Variants in BOC observed in about 807,000 individuals in gnomAD.
BOC encodes brother of CDO.
In BOC, 76 loss-of-function variants were observed where a neutral mutation model predicts 112.0. The ratio of observed to expected loss-of-function variants is 0.68; its 90% CI spans 0.56 to 0.82. The LOEUF (loss-of-function observed/expected upper bound fraction) is 0.82. BOC is among the 40% of genes least tolerant of loss of function. The pLI, the probability that BOC is intolerant of heterozygous loss-of-function variation, is 0.00. For missense variants in BOC, 1,309 were observed against 1,511.7 expected (o/e 0.87, Z 2.22); for synonymous variants, 580 against 599.8 (o/e 0.97, Z 0.48).
intron 2 of BOC, among the ~76,000 whole-genome samples, chr3:113,219,848 T>C (rs1940243378): frequency 6.6e-6 from 1 of 152,182 alleles, no homozygotes; most frequent in Admixed American, 6.5e-5. Flanking sequence ...CAGCTAGTGG[T>C]GAAAGCGACC....
intron 3 of BOC, 73 bp from the exon 4 acceptor site, chr3:113,250,482 C>T: frequency 6.6e-7 from 1 of 1,517,516 alleles, no homozygotes; most frequent in Non-Finnish European, 8.9e-7. Flanking sequence ...TTCCTGGGTG[C>T]AGTGCTTCTA....
rs768341516 is a variant in BOC, at chr3:113,286,830, G to A, written c.3316G>A (p.Val1106Met). ...MQLSPGPLVR[V>M]SFETPPLTI ...GCTCTCCCCGGGGCCACTGGTGCGTGTGTCTTTTGAAACACCACCTCTCAC... is the reference window on the plus strand; with the variant it reads ...GCTCTCCCCGGGGCCACTGGTGCGTATGTCTTTTGAAACACCACCTCTCAC... Residue 1106 changes from valine (V) to methionine (M), a missense_variant, in exon 20 of 20, where the codon GTG becomes ATG. Physicochemically the swap from Val to Met is conservative, Grantham distance 21 (BLOSUM62 1). Transcript: ENST00000682979. The A allele has an allele frequency of 6.2e-7, 1 of 1,602,632 alleles. No individual in the cohort carries two copies. The highest frequency in any genetic ancestry group is 1.1e-5 in the South Asian group (1 of 88,928).
chr3:113,229,847 A>G (rs1942318228), intron 2 of BOC, among the ~76,000 whole-genome samples: 1 of 152,202 alleles, frequency 6.6e-6, no homozygotes, highest in South Asian at 2.1e-4. Context: ...GATATTCCTT[A>G]CCAAAATGAC....
Position 113,286,885 on chromosome 3 carries a change from G to C in BOC, c.*23G>C. The C allele has an allele frequency of 6.6e-7, 1 of 1,514,042 alleles. No individual in the cohort carries two copies. Among genetic ancestry groups the C allele is most frequent in the Non-Finnish European group, 8.8e-7 (1 of 1,131,210 alleles). 93.8% of individuals were successfully genotyped at this position (1,514,042 alleles called of 1,614,324 possible). On this transcript the variant is annotated 3_prime_UTR_variant, in exon 20 of 20. Coordinates refer to ENST00000682979, the MANE Select transcript of BOC (RefSeq NM_001378074.1). Reference sequence around the variant, plus strand: ...TAGGCAGAAGCTGATATCCCAGAAAGACTATATATTGTTTTTTTTTTAAAA... The same window carrying C: ...TAGGCAGAAGCTGATATCCCAGAAACACTATATATTGTTTTTTTTTTAAAA...
intron 4 of BOC, among the ~76,000 whole-genome samples, chr3:113,260,662 T>TAGAAC (rs1946718339): frequency 1.2e-5 from 1 of 85,008 alleles, no homozygotes; most frequent in Non-Finnish European, 2.1e-5. Flanking sequence ...TCTATTAGAA[T>TAGAAC]AGAATAGAAC....
At position 113,232,416 on chromosome 3, in the gene BOC, A is replaced by G. The variant is rs572463832; in HGVS notation, c.-82+16142A>G. The stretch of plus-strand genomic sequence containing the variant: ...GTAATTGAGAAAGGAAGGATTGGGG[A>G]TGAAGTTGGGGACTGAATGTGTATA... On this transcript the variant is annotated intron_variant, in intron 2 of 19. Transcript: ENST00000682979. Among the ~76,000 whole-genome samples the G allele has an allele frequency of 5.3e-4, 80 of 152,326 alleles. 1 individual carries two copies. Among genetic ancestry groups the G allele is most frequent in the Non-Finnish European group, 5.0e-4 (34 of 68,024 alleles).
At chr3:113,220,843 T>C (rs76412146) in intron 2 of BOC, among the ~76,000 whole-genome samples, 12,055 of 152,148 alleles carry the variant, frequency 0.079, 1,242 homozygotes, top group African/African-American at 0.24. Flanking sequence ...ATAATTCTGG[T>C]TAACATTCTT....
chr3:113,249,790 T>C lies in BOC; in HGVS notation c.-13T>C. 6.2e-7 allele frequency: 1 copy of C among 1,605,532 alleles called. No homozygotes were observed. The highest frequency in any genetic ancestry group is 1.1e-5 in the South Asian group (1 of 89,608). On this transcript the variant is annotated 5_prime_UTR_variant, in exon 3 of 20. Coordinates refer to ENST00000682979, the MANE Select transcript of BOC (RefSeq NM_001378074.1). ...GCTTATGGGACGTTGGCTTCAGACC[T>C]TTGTGATACACCATGCTGCGTGGGA...
At chr3:113,247,522 A>G in intron 2 of BOC, among the ~76,000 whole-genome samples, 1 of 148,294 alleles carries the variant, frequency 6.7e-6, no homozygotes, top group East Asian at 2.0e-4. Context: ...AAAAAAGGGA[A>G]AAAGGCTACT....
intron 2 of BOC, among the ~76,000 whole-genome samples, chr3:113,244,000 A>G (rs1029838468): frequency 6.6e-6 from 1 of 152,196 alleles, no homozygotes; most frequent in Non-Finnish European, 1.5e-5. Flanking sequence ...ACCATGTGAC[A>G]TATGGTCACC....
intron 1 of BOC, among the ~76,000 whole-genome samples, chr3:113,213,004 C>T (rs1194414103): frequency 1.3e-5 from 2 of 152,094 alleles, no homozygotes; most frequent in Non-Finnish European, 2.9e-5. Flanking sequence ...TTAATGGAGC[C>T]TCGGGGATTT....
chr3:113,218,491 A>G (rs964471500), intron 2 of BOC, among the ~76,000 whole-genome samples: 1 of 152,160 alleles, frequency 6.6e-6, no homozygotes, highest in African/African-American at 2.4e-5. Flanking sequence ...TCCCTCTTAC[A>G]TAGCTGTGCC....
chr3:113,233,158 T>G lies in BOC; in HGVS notation c.-81-16564T>G, dbSNP rs1010745888. Among the ~76,000 whole-genome samples the G allele has an allele frequency of 1.3e-4, 18 of 137,154 alleles. No homozygotes were observed. The East Asian group carries it at 3.2e-3, about 24-fold the overall frequency. The allele number at this position is 137,154 out of a possible 152,430, so 90.0% of individuals were successfully genotyped here. On this transcript the variant is annotated intron_variant, in intron 2 of 19. Transcript: ENST00000682979. ...CATGTAAAGGATTGGGGTGTGTGTG[T>G]GTGTGTGTGTGTGTGTGTGTGTGTG...
chr3:113,284,042 T>G (rs1309299495), intron 16 of BOC, among the ~76,000 whole-genome samples: 1 of 152,064 alleles, frequency 6.6e-6, no homozygotes, highest in East Asian at 1.9e-4. Flanking sequence ...TCTGGTCAGC[T>G]TACCTCCTCT....
chr3:113,246,713 T>C (rs935917626), intron 2 of BOC, among the ~76,000 whole-genome samples: 3 of 152,168 alleles, frequency 2.0e-5, no homozygotes, highest in African/African-American at 7.2e-5. Flanking sequence ...ATAGTTCTGC[T>C]TTTACATGAA....
At chr3:113,226,341 G>A (rs954935992) in intron 2 of BOC, among the ~76,000 whole-genome samples, 1 of 152,146 alleles carries the variant, frequency 6.6e-6, no homozygotes, top group South Asian at 2.1e-4. Context: ...AGCCAGTGCT[G>A]GTGGAAAGAA....
chr3:113,283,523 T>G lies in BOC; in HGVS notation c.2547T>G (p.Ala849=). The change falls in exon 16 of 20, where the codon GCT becomes GCG. Residue 849 remains alanine, a synonymous_variant. Transcript: ENST00000682979. The part of the protein sequence containing the change: ...ERPVGTGAMV[A]RSSDLPYLIV... Reference sequence around the variant, plus strand: ...CGGTGGGCACTGGGGCCATGGTGGCTCGCTCCAGCGACCTGCCCTATCTGA... The same window carrying G: ...CGGTGGGCACTGGGGCCATGGTGGCGCGCTCCAGCGACCTGCCCTATCTGA... The G allele has an allele frequency of 1.2e-6, 2 of 1,613,900 alleles. No homozygotes were observed. Among genetic ancestry groups the G allele is most frequent in the Middle Eastern group, 3.3e-4 (2 of 6,062 alleles).
rs186035115 is a variant in BOC at position 113,236,721 on chromosome 3, A to T, written c.-81-13001A>T. ...AAAGATGAGCAATGAACATTTTTTT[A>T]AAAAATGGAGCATGTCTTTAGGTCT... On this transcript the variant is annotated intron_variant, in intron 2 of 19. Transcript: ENST00000682979. 5.9e-3 allele frequency among the ~76,000 whole-genome samples: 898 copies of T among 152,260 alleles called. 7 individuals are homozygous for T. The highest frequency in any genetic ancestry group is 0.02 in the African/African-American group (823 of 41,566).
intron 4 of BOC, chr3:113,251,126 C>T (rs1033761242): frequency 5.1e-6 from 3 of 582,854 alleles, no homozygotes; most frequent in Admixed American, 3.2e-5. Flanking sequence ...CCGTGGGCCC[C>T]AGAGCAGGGC....
Sources: allele counts gnomAD v4.1 joint callset (sites outside exome capture counted in the v4.1 genomes callset), GRCh38; gene constraint gnomAD v4.1.1; transcripts MANE v1.5; gene names NCBI Gene and HGNC (gene_info 2026-07-23, HGNC 2026-07-21).